GRIA1: variants seen among roughly 807,000 people sequenced by gnomAD.
The protein encoded by GRIA1 is glutamate ionotropic receptor AMPA type subunit 1.
GRIA1 carries 31 observed loss-of-function variants against 99.2 expected under a neutral mutation model. That is an observed-to-expected ratio of 0.31 (90% CI 0.23 to 0.42). The LOEUF is 0.42. Ranked by LOEUF, GRIA1 falls within the 10% of genes least tolerant of loss-of-function variation. GRIA1 has a pLI of 1.00. For missense variants in GRIA1, 782 were observed against 1,157.5 expected (o/e 0.68, Z 4.71); for synonymous variants, 438 against 432.4 (o/e 1.01, Z -0.16).
At chr5:153,538,654 T>G (rs1302113493) in intron 2 of GRIA1, among the ~76,000 whole-genome samples, 8 of 152,158 alleles carry the variant, frequency 5.3e-5, no homozygotes. Flanking sequence ...TTGTTCCGCT[T>G]GAACTTTCAG....
chr5:153,724,809 T>C (rs1299981007), intron 11 of GRIA1, among the ~76,000 whole-genome samples: 1 of 152,206 alleles, frequency 6.6e-6, no homozygotes, highest in South Asian at 2.1e-4. Flanking sequence ...TGGAACCAAG[T>C]TGGAAAACAC....
Position 153,490,849 on chromosome 5 carries a change from A to G in GRIA1, c.-40A>G. On this transcript the variant is annotated 5_prime_UTR_variant, in exon 1 of 16. Transcript: ENST00000285900. ...AAGGGGGGGAAACACCAAATCTATG[A>G]TTGGACCTGGGCTTCTTTTTCGCCA... The G allele has an allele frequency of 6.9e-7, 1 of 1,443,870 alleles. No homozygotes were observed. The highest frequency in any genetic ancestry group is 1.1e-5 in the South Asian group (1 of 87,572). 89.4% of individuals were successfully genotyped at this position (1,443,870 alleles called of 1,614,324 possible). A position where few individuals can be genotyped will look rare whatever the true frequency, so the allele number is the denominator to read the frequency against.
chr5:153,607,740 T>C (rs73287703), intron 2 of GRIA1, among the ~76,000 whole-genome samples: 2 of 152,226 alleles, frequency 1.3e-5, no homozygotes, highest in African/African-American at 2.4e-5. Flanking sequence ...ACTGCTAATG[T>C]ACATGTTATT....
chr5:153,789,833 G>T (rs1276086251), intron 13 of GRIA1, among the ~76,000 whole-genome samples: 2 of 152,178 alleles, frequency 1.3e-5, no homozygotes, highest in South Asian at 2.1e-4. Flanking sequence ...TTAAACTCAG[G>T]TCTCCTGACT....
chr5:153,758,996 G>A (rs1763004918), intron 11 of GRIA1, among the ~76,000 whole-genome samples: 1 of 151,780 alleles, frequency 6.6e-6, no homozygotes, highest in Non-Finnish European at 1.5e-5. Context: ...AACAACCAAT[G>A]AATCAATGAG....
At chr5:153,644,708 G>A (rs1754011683) in intron 2 of GRIA1, among the ~76,000 whole-genome samples, 1 of 151,982 alleles carries the variant, frequency 6.6e-6, no homozygotes, top group Non-Finnish European at 1.5e-5. Context: ...ATTTAGAAGA[G>A]GTGATGAAGC....
intron 5 of GRIA1, among the ~76,000 whole-genome samples, chr5:153,667,521 G>A (rs577143051): frequency 3.9e-5 from 6 of 152,168 alleles, no homozygotes; most frequent in Non-Finnish European, 7.4e-5. Context: ...TAATGATAAT[G>A]GTGAATGTGA....
chr5:153,520,500 G>A (rs1439242191), intron 2 of GRIA1, among the ~76,000 whole-genome samples: 1 of 152,286 alleles, frequency 6.6e-6, no homozygotes, highest in African/African-American at 2.4e-5. Context: ...GGACACAAGG[G>A]CCTACCTACA....
At chr5:153,571,281 A>G (rs1462670905) in intron 2 of GRIA1, among the ~76,000 whole-genome samples, 3 of 152,108 alleles carry the variant, frequency 2.0e-5, no homozygotes, top group Non-Finnish European at 4.4e-5. Flanking sequence ...TTTGTCCATG[A>G]TGGGGACATG....
chr5:153,722,337 C>A (rs576390658), intron 11 of GRIA1, among the ~76,000 whole-genome samples: 26 of 152,222 alleles, frequency 1.7e-4, no homozygotes, highest in Admixed American at 1.5e-3. Context: ...TCCAGTTTCA[C>A]AAGATTTTTT....
intron 11 of GRIA1, among the ~76,000 whole-genome samples, chr5:153,708,141 G>A (rs1475968645): frequency 6.6e-6 from 1 of 152,174 alleles, no homozygotes. Flanking sequence ...ATTCCTCCAG[G>A]GGTTTCAATC....
chr5:153,589,585 G>T (rs572900575), intron 2 of GRIA1, among the ~76,000 whole-genome samples: 34 of 152,146 alleles, frequency 2.2e-4, no homozygotes, highest in African/African-American at 7.9e-4. Flanking sequence ...TCGCTTGTTT[G>T]TCTGTGTGAT....
At chr5:153,690,270 ATATAATATAATT>A (rs1185272075) in intron 8 of GRIA1, among the ~76,000 whole-genome samples, 1 of 150,300 alleles carries the variant, frequency 6.7e-6, no homozygotes, top group African/African-American at 2.4e-5. Context: ...ATATAATATA[ATATAATATAATT>A]TATAATATAA....
intron 2 of GRIA1, among the ~76,000 whole-genome samples, chr5:153,642,987 G>A (rs998956119): frequency 2.6e-5 from 4 of 152,126 alleles, no homozygotes; most frequent in Non-Finnish European, 4.4e-5. Context: ...AGTGAGATAT[G>A]GGCTGAGGCA....
At chr5:153,497,688 T>C (rs553177175) in intron 2 of GRIA1, among the ~76,000 whole-genome samples, 3 of 152,286 alleles carry the variant, frequency 2.0e-5, no homozygotes, top group South Asian at 4.1e-4. Flanking sequence ...GCAATTATTA[T>C]GGGGATTACA....
chr5:153,580,532 T>C (rs1337413465), intron 2 of GRIA1, among the ~76,000 whole-genome samples: 1 of 152,208 alleles, frequency 6.6e-6, no homozygotes, highest in Non-Finnish European at 1.5e-5. Context: ...GTGTCTGCCT[T>C]AGAGCTAAGC....
intron 2 of GRIA1, among the ~76,000 whole-genome samples, chr5:153,574,854 G>A (rs12514755): frequency 0.098 from 14,907 of 151,974 alleles, 796 homozygotes; most frequent in South Asian, 0.19. Context: ...TTTCCCCATC[G>A]GAACAACCTA....
intron 13 of GRIA1, among the ~76,000 whole-genome samples, chr5:153,770,775 T>G (rs1350976565): frequency 6.6e-6 from 1 of 152,232 alleles, no homozygotes; most frequent in African/African-American, 2.4e-5. Context: ...AACAGAGTTC[T>G]CCAGCAACCT....
intron 11 of GRIA1, among the ~76,000 whole-genome samples, chr5:153,736,984 G>C (rs895603804): frequency 4.6e-5 from 7 of 152,126 alleles, no homozygotes; most frequent in Non-Finnish European, 2.9e-5. Flanking sequence ...GGGATCATTA[G>C]AGAATGGTGC....
Sources: allele counts gnomAD v4.1 joint callset (sites outside exome capture counted in the v4.1 genomes callset), GRCh38; gene constraint gnomAD v4.1.1; transcripts MANE v1.5; gene names NCBI Gene and HGNC (gene_info 2026-07-23, HGNC 2026-07-21).